PELI2: variants seen among roughly 807,000 people sequenced by gnomAD.
PELI2 encodes pellino E3 ubiquitin protein ligase family member 2.
PELI2 carries 23 observed loss-of-function variants against 42.3 expected under a neutral mutation model. That is an observed-to-expected ratio of 0.54 (90% CI 0.39 to 0.77). PELI2 has a LOEUF of 0.77. Ranked by LOEUF, PELI2 falls within the 30% of genes least tolerant of loss-of-function variation. The probability of loss-of-function intolerance (pLI) is 0.00; values close to 1 mark genes in which losing one functional copy is unlikely to be tolerated. For missense variants in PELI2, 463 were observed against 553.2 expected (o/e 0.84, Z 1.64); for synonymous variants, 245 against 212.2 (o/e 1.15, Z -1.34).
intron 2 of PELI2, among the ~76,000 whole-genome samples, chr14:56,228,014 T>G (rs564888608): frequency 6.6e-6 from 1 of 152,344 alleles, no homozygotes; most frequent in African/African-American, 2.4e-5. Context: ...GGGTTACCCC[T>G]TCATTGCTTC....
At chr14:56,163,171 T>G (rs1308261099) in intron 1 of PELI2, among the ~76,000 whole-genome samples, 1 of 152,208 alleles carries the variant, frequency 6.6e-6, no homozygotes, top group African/African-American at 2.4e-5. Flanking sequence ...TCCTGGAGAT[T>G]TTCCCCAGTG....
At chr14:56,141,386 G>T (rs1025153917) in intron 1 of PELI2, among the ~76,000 whole-genome samples, 1 of 152,156 alleles carries the variant, frequency 6.6e-6, no homozygotes, top group Non-Finnish European at 1.5e-5. Flanking sequence ...TGGCTGGCAC[G>T]AGAATGGCCA....
chr14:56,205,047 AG>A (rs1339659600), intron 2 of PELI2, among the ~76,000 whole-genome samples: 19 of 150,890 alleles, frequency 1.3e-4, no homozygotes, highest in South Asian at 2.1e-4. Flanking sequence ...AAAAAAAAAA[AG>A]AAAGAAAGTG....
At chr14:56,119,856 C>T in intron 1 of PELI2, 1 of 985,184 alleles carries the variant, frequency 1.0e-6, no homozygotes, top group South Asian at 4.7e-5. Context: ...ATCCTCGGCG[C>T]TGATAGGTAG....
chr14:56,203,562 G>A (rs955407005), intron 2 of PELI2, among the ~76,000 whole-genome samples: 1 of 151,970 alleles, frequency 6.6e-6, no homozygotes, highest in African/African-American at 2.4e-5. Context: ...TCTCAGAGTT[G>A]GACAGTGAAG....
chr14:56,144,482 A>G (rs1884036467), intron 1 of PELI2, among the ~76,000 whole-genome samples: 3 of 152,150 alleles, frequency 2.0e-5, no homozygotes, highest in Admixed American at 2.0e-4. Flanking sequence ...TATCTAGGAG[A>G]ATCTCCTTTA....
intron 2 of PELI2, among the ~76,000 whole-genome samples, chr14:56,270,726 A>G (rs1055257036): frequency 6.6e-6 from 1 of 152,250 alleles, no homozygotes; most frequent in African/African-American, 2.4e-5. Context: ...CTTTAAATCC[A>G]GTGAAATCAG....
At chr14:56,130,270 A>T (rs1595540030) in intron 1 of PELI2, among the ~76,000 whole-genome samples, 1 of 152,094 alleles carries the variant, frequency 6.6e-6, no homozygotes, top group East Asian at 1.9e-4. Context: ...TTAGCAAGGG[A>T]GGTAGGTACC....
At position 56,288,319 on chromosome 14, in the gene PELI2, TA is replaced by T; in HGVS notation, c.310-116del. On this transcript the variant is annotated intron_variant, in intron 3 of 5. Coordinates refer to ENST00000267460, the MANE Select transcript of PELI2 (RefSeq NM_021255.3). This position sits in a 1 kb window ranked among gnomAD's most constrained non-coding sequence, Gnocchi z 4.6. Reference sequence around the variant, plus strand: ...CGAATGAAAATCTTGCATTAAATTCTAACCCTCAGAACAAGGATAGTGAATG... The same window carrying T: ...CGAATGAAAATCTTGCATTAAATTCTACCCTCAGAACAAGGATAGTGAATG... 1.4e-6 allele frequency: 1 copy of T among 740,268 alleles called. No homozygotes were observed. The highest frequency in any genetic ancestry group is 2.3e-6 in the Non-Finnish European group (1 of 439,840). 45.9% of individuals were successfully genotyped at this position (740,268 alleles called of 1,614,324 possible). A position where few individuals can be genotyped will look rare whatever the true frequency, so the allele number is the denominator to read the frequency against.
intron 2 of PELI2, among the ~76,000 whole-genome samples, chr14:56,187,755 G>A (rs1885818377): frequency 6.6e-6 from 1 of 152,168 alleles, no homozygotes; most frequent in Non-Finnish European, 1.5e-5. Flanking sequence ...GGGGAGGCAC[G>A]AATGAGTGGC....
chr14:56,255,839 C>G (rs189515074), intron 2 of PELI2, among the ~76,000 whole-genome samples: 1 of 152,114 alleles, frequency 6.6e-6, no homozygotes, highest in Non-Finnish European at 1.5e-5. Context: ...CTTGTCTGCT[C>G]CTTACTGTAC....
intron 2 of PELI2, among the ~76,000 whole-genome samples, chr14:56,206,689 C>T (rs1473281499): frequency 6.6e-6 from 1 of 152,028 alleles, no homozygotes; most frequent in East Asian, 1.9e-4. Flanking sequence ...TGGCTTTTTT[C>T]TTTCCTCCTT....
intron 1 of PELI2, among the ~76,000 whole-genome samples, chr14:56,152,261 GCTTTTTAACCT>G (rs1449317369): frequency 6.6e-6 from 1 of 152,178 alleles, no homozygotes; most frequent in Non-Finnish European, 1.5e-5. Flanking sequence ...CTTTGGGAAA[GCTTTTTAACCT>G]CTTTGTATAT....
At chr14:56,173,140 C>G (rs761172451) in intron 1 of PELI2, among the ~76,000 whole-genome samples, 1 of 152,216 alleles carries the variant, frequency 6.6e-6, no homozygotes, top group Non-Finnish European at 1.5e-5. Flanking sequence ...TGCCTCCCCC[C>G]GGATGTCCCT....
chr14:56,151,154 G>A (rs1166438807), intron 1 of PELI2, among the ~76,000 whole-genome samples: 1 of 152,210 alleles, frequency 6.6e-6, no homozygotes, highest in Non-Finnish European at 1.5e-5. Flanking sequence ...CACCCCGTGT[G>A]GCCTCTTTGC....
intron 2 of PELI2, among the ~76,000 whole-genome samples, chr14:56,274,090 A>G (rs1889202510): frequency 6.6e-6 from 1 of 152,168 alleles, no homozygotes; most frequent in East Asian, 1.9e-4. Flanking sequence ...CCTAAGTCCC[A>G]CTGGCCGAAA....
At position 56,184,904 on chromosome 14, in the gene PELI2, A is replaced by G. The variant is rs184957180; in HGVS notation, c.207+6440A>G. ...AAAAAGATCATACCAGTAATTTGTAACAATTAACAGATGACTTGGAAATGA... is the reference window on the plus strand; with the variant it reads ...AAAAAGATCATACCAGTAATTTGTAGCAATTAACAGATGACTTGGAAATGA... On this transcript the variant is annotated intron_variant, in intron 2 of 5. Coordinates refer to ENST00000267460, the MANE Select transcript of PELI2 (RefSeq NM_021255.3). 3.9e-4 allele frequency among the ~76,000 whole-genome samples: 60 copies of G among 152,230 alleles called. No individual in the cohort carries two copies. The East Asian group carries it at 9.8e-3, about 25-fold the overall frequency.
At chr14:56,174,835 C>T (rs1885311851) in intron 1 of PELI2, among the ~76,000 whole-genome samples, 1 of 152,130 alleles carries the variant, frequency 6.6e-6, no homozygotes. Flanking sequence ...CTAATACAAC[C>T]AGGACGTTAC....
At chr14:56,182,498 A>G (rs1485692977) in intron 2 of PELI2, among the ~76,000 whole-genome samples, 1 of 152,206 alleles carries the variant, frequency 6.6e-6, no homozygotes, top group African/African-American at 2.4e-5. Context: ...CAACATTACT[A>G]TGGAAAACTC....
Sources: gnomAD v4.1 joint callset for allele counts (sites outside exome capture counted in the v4.1 genomes callset) on GRCh38, gnomAD v4.1.1 for gene constraint, Gnocchi (gnomAD v3.1) non-coding constraint, MANE v1.5 for transcripts, NCBI Gene and HGNC (gene_info 2026-07-23, HGNC 2026-07-21) for gene names.